Variants in TMC2 observed in about 807,000 individuals in gnomAD.
TMC2 encodes the protein transmembrane channel-like protein 2.
In TMC2, 102 loss-of-function variants were observed where a neutral mutation model predicts 105.9. The observed-to-expected ratio is 0.96, with a 90% CI of 0.82 to 1.14. The LOEUF (loss-of-function observed/expected upper bound fraction) is 1.14. Among genes scored for constraint, TMC2 ranks in the 50% most tolerant of loss-of-function variants. The pLI is 0.00. For synonymous variants in TMC2, 402 were observed against 422.8 expected (o/e 0.95, Z 0.60); for missense variants, 1,093 against 1,134.3 (o/e 0.96, Z 0.52).
chr20:2,622,888 C>T (rs2146255873), intron 16 of TMC2, among the ~76,000 whole-genome samples: 1 of 152,148 alleles, frequency 6.6e-6, no homozygotes, highest in East Asian at 1.9e-4. Flanking sequence ...AAACAATCTT[C>T]TGAGATAAAT....
At chr20:2,628,358 G>A (rs982411890) in intron 17 of TMC2, among the ~76,000 whole-genome samples, 1 of 151,884 alleles carries the variant, frequency 6.6e-6, no homozygotes, top group Non-Finnish European at 1.5e-5. Context: ...GATAAATTAG[G>A]ATAGCTCTTT....
At chr20:2,606,611 G>T (rs2086393621) in intron 11 of TMC2, among the ~76,000 whole-genome samples, 1 of 151,986 alleles carries the variant, frequency 6.6e-6, no homozygotes, top group Admixed American at 6.6e-5. Context: ...TTCATTTAAG[G>T]GAAGATTTAT....
chr20:2,639,866 TC>T (rs1162611191), intron 19 of TMC2, among the ~76,000 whole-genome samples: 4 of 152,158 alleles, frequency 2.6e-5, no homozygotes, highest in African/African-American at 9.7e-5. Flanking sequence ...TCTGAGATGA[TC>T]CCATTTTCCA....
chr20:2,574,057 A>G (rs1017525223), intron 5 of TMC2, among the ~76,000 whole-genome samples: 5 of 152,294 alleles, frequency 3.3e-5, no homozygotes, highest in Middle Eastern at 3.4e-3. Context: ...TGACTTTCAC[A>G]CTAAGCTGAT....
At chr20:2,547,329 C>T (rs368021419) in intron 2 of TMC2, among the ~76,000 whole-genome samples, 1 of 152,166 alleles carries the variant, frequency 6.6e-6, no homozygotes. Context: ...TGTTGTCTAA[C>T]ATCAGGCAGA....
intron 4 of TMC2, among the ~76,000 whole-genome samples, chr20:2,568,969 G>A (rs1196357801): frequency 6.6e-6 from 1 of 152,172 alleles, no homozygotes; most frequent in Non-Finnish European, 1.5e-5. Flanking sequence ...GCATTTTGTA[G>A]GAGCAGTGGT....
chr20:2,637,713 C>A, intron 19 of TMC2, 122 bp downstream of exon 19: 1 of 710,462 alleles, frequency 1.4e-6, no homozygotes, highest in Non-Finnish European at 2.4e-6. Flanking sequence ...CAATTATTAG[C>A]TTATGAAGTT....
chr20:2,577,756 T>TA lies in TMC2; in HGVS notation c.646-1382dup, dbSNP rs1437574619. The stretch of plus-strand genomic sequence containing the variant: ...GGTGAGACCCTGTCTCTACAAAAAA[T>TA]AAAAAAAATTAGCCGAATGTGGTGG... On this transcript the variant is annotated intron_variant, in intron 5 of 19. Transcript: ENST00000358864. Among the ~76,000 whole-genome samples, 7 of 151,418 alleles carry TA rather than the reference T, an allele frequency of 4.6e-5. No homozygotes were observed. In the East Asian group the frequency reaches 7.8e-4, roughly 17 times the overall value.
chr20:2,606,884 C>CTTTTTTTTTT lies in TMC2; in HGVS notation c.1414-3529_1414-3528insTTTTTTTTTT, dbSNP rs1276064402. 1.9e-4 allele frequency among the ~76,000 whole-genome samples: 17 copies of CTTTTTTTTTT among 88,250 alleles called. 1 individual carries two copies. The highest frequency in any genetic ancestry group is 1.0e-3 in the African/African-American group (17 of 16,640). 57.9% of individuals were successfully genotyped at this position (88,250 alleles called of 152,430 possible). A position where few individuals can be genotyped will look rare whatever the true frequency, so the allele number is the denominator to read the frequency against. On this transcript the variant is annotated intron_variant, in intron 11 of 19. Coordinates refer to ENST00000358864, the MANE Select transcript of TMC2 (RefSeq NM_080751.3). ...TTTTAATATAGTTTTCCCTTAATTT[C>CTTTTTTTTTT]TTTTTTCTTTTTTTTTTTTTTTTTT...
In TMC2 at chr20:2,558,946, G is replaced by A. The variant is rs1435971775; in HGVS notation, c.401+172G>A. ...TTACCACTGCCCCACTCTGCGGTGGGTTCTTCATCCCAGAACCGGGATGAA... is the reference window on the plus strand; with the variant it reads ...TTACCACTGCCCCACTCTGCGGTGGATTCTTCATCCCAGAACCGGGATGAA... On this transcript the variant is annotated intron_variant, in intron 3 of 19. Transcript: ENST00000358864. The surrounding 1 kb of genome is among the most constrained non-coding windows in gnomAD (Gnocchi z 4.6). 1.3e-5 allele frequency among the ~76,000 whole-genome samples: 2 copies of A among 152,190 alleles called. No individual in the cohort carries two copies. Among genetic ancestry groups the A allele is most frequent in the Admixed American group, 6.5e-5 (1 of 15,284 alleles).
intron 2 of TMC2, among the ~76,000 whole-genome samples, chr20:2,537,963 G>A (rs541403290): frequency 5.3e-5 from 8 of 152,222 alleles, no homozygotes; most frequent in South Asian, 4.1e-4. Flanking sequence ...TGGGTCCTGC[G>A]CCCCACACTA....
At chr20:2,576,898 T>TG (rs1568511156) in intron 5 of TMC2, among the ~76,000 whole-genome samples, 2 of 132,132 alleles carry the variant, frequency 1.5e-5, no homozygotes, top group African/African-American at 6.5e-5. Flanking sequence ...GGTTTCTTCT[T>TG]GGTTTTTTTT....
intron 4 of TMC2, among the ~76,000 whole-genome samples, chr20:2,566,402 A>G (rs1229487372): frequency 6.6e-6 from 1 of 152,250 alleles, no homozygotes; most frequent in Non-Finnish European, 1.5e-5. Flanking sequence ...GAATCAGAGA[A>G]GCATGTGGAC....
intron 14 of TMC2, 164 bp downstream of exon 14, chr20:2,613,486 C>A: frequency 9.9e-7 from 1 of 1,006,588 alleles, no homozygotes; most frequent in Non-Finnish European, 1.5e-6. Context: ...CTTTAAGGGT[C>A]CTATTTGCCT....
At chr20:2,627,777 A>G (rs1009402732) in intron 17 of TMC2, among the ~76,000 whole-genome samples, 2 of 152,222 alleles carry the variant, frequency 1.3e-5, no homozygotes, top group Non-Finnish European at 2.9e-5. Context: ...CAAGACCAGA[A>G]AAAGAAGTCT....
intron 2 of TMC2, among the ~76,000 whole-genome samples, chr20:2,544,068 ATTT>A (rs3051737): frequency 0.11 from 14,739 of 132,500 alleles, 771 homozygotes; most frequent in African/African-American, 0.16. Context: ...TGCCTAGCTG[ATTT>A]TTTTTTTTTT....
chr20:2,548,046 T>C (rs1478328961), intron 2 of TMC2, among the ~76,000 whole-genome samples: 3 of 152,232 alleles, frequency 2.0e-5, no homozygotes, highest in Non-Finnish European at 2.9e-5. Flanking sequence ...TAATAGAGTA[T>C]CATTTAATTA....
chr20:2,597,351 C>T, intron 10 of TMC2, 53 bp downstream of exon 10: 2 of 1,538,882 alleles, frequency 1.3e-6, no homozygotes, highest in Non-Finnish European at 8.9e-7. Context: ...TCCCTCTGGT[C>T]ATTGAGAGAC....
chr20:2,632,024 C>CT (rs771526409), intron 17 of TMC2, among the ~76,000 whole-genome samples: 11,318 of 137,200 alleles, frequency 0.082, 1,550 homozygotes, highest in African/African-American at 0.28. Context: ...TTCATTGATT[C>CT]TTTTTTTTTT....
Sources: allele counts gnomAD v4.1 joint callset (sites outside exome capture counted in the v4.1 genomes callset), GRCh38; gene constraint gnomAD v4.1.1; non-coding constraint Gnocchi (gnomAD v3.1); transcripts MANE v1.5; gene names NCBI Gene and HGNC (gene_info 2026-07-23, HGNC 2026-07-21).